The following PCDHGB7 variants were observed in gnomAD, a reference collection of about 807,000 sequenced individuals.
PCDHGB7 encodes the protein protocadherin gamma-B7.
Under a neutral mutation model 61.4 loss-of-function variants are expected in PCDHGB7, and 37 were observed. That is an observed-to-expected ratio of 0.60 (90% CI 0.46 to 0.79). The LOEUF (loss-of-function observed/expected upper bound fraction) is 0.79, where lower values mean the gene tolerates loss of function less well. PCDHGB7 is among the 30% of genes least tolerant of loss of function. The pLI, the probability that PCDHGB7 is intolerant of heterozygous loss-of-function variation, is 0.00. For synonymous variants in PCDHGB7, 464 were observed against 503.5 expected, an observed-to-expected ratio of 0.92 and a Z score of 1.05; for missense variants, 1,166 against 1,202.5, an observed-to-expected ratio of 0.97 and a Z score of 0.45.
At position 141,431,321 on chromosome 5, in the gene PCDHGB7, G is replaced by T. The variant is rs112186927; in HGVS notation, c.2415+11047G>T. 1,258 of 1,614,054 alleles carry T rather than the reference G, an allele frequency of 7.8e-4. 11 individuals are homozygous for T. In the African/African-American group the frequency reaches 0.014, roughly 18 times the overall value. Reference sequence around the variant, plus strand: ...CCTCATCGTGCAAAATGGAGCCGACGGTAGTAAGTACCCCGAATTGGTGCT... The same window carrying T: ...CCTCATCGTGCAAAATGGAGCCGACTGTAGTAAGTACCCCGAATTGGTGCT... On this transcript the variant is annotated intron_variant, in intron 1 of 3. Transcript: ENST00000398594. This position sits in a 1 kb window ranked among gnomAD's most constrained non-coding sequence, Gnocchi z 4.8.
At chr5:141,473,229 T>G (rs891825934) in intron 1 of PCDHGB7, among the ~76,000 whole-genome samples, 8 of 152,160 alleles carry the variant, frequency 5.3e-5, no homozygotes, top group Admixed American at 1.3e-4. Context: ...GGAGATTGGA[T>G]CCACACAAGT....
In PCDHGB7 at chr5:141,489,835, C is replaced by G; in HGVS notation, c.2416-4972C>G. On this transcript the variant is annotated intron_variant, in intron 1 of 3. Transcript: ENST00000398594. This position sits in a 1 kb window ranked among gnomAD's most constrained non-coding sequence, Gnocchi z 4.5. Reference sequence around the variant, plus strand: ...ATTCCCAGAGCTGGTGCTAGAGCAGCAGCTGGATCGTGAAGCCCAGGCAAG... The same window carrying G: ...ATTCCCAGAGCTGGTGCTAGAGCAGGAGCTGGATCGTGAAGCCCAGGCAAG... The G allele has an allele frequency of 6.2e-7, 1 of 1,614,164 alleles. No homozygotes were observed. Among genetic ancestry groups the G allele is most frequent in the Non-Finnish European group, 8.5e-7 (1 of 1,179,972 alleles).
intron 1 of PCDHGB7, among the ~76,000 whole-genome samples, chr5:141,483,124 G>A (rs1468216170): frequency 6.6e-6 from 1 of 152,154 alleles, no homozygotes; most frequent in East Asian, 1.9e-4. Flanking sequence ...GTCTTTGTAG[G>A]AGATGAGGTG....
In PCDHGB7 at chr5:141,486,070, T is replaced by G; in HGVS notation, c.2416-8737T>G. The G allele has an allele frequency of 6.2e-7, 1 of 1,614,158 alleles. No individual in the cohort carries two copies. Among genetic ancestry groups the G allele is most frequent in the Non-Finnish European group, 8.5e-7 (1 of 1,180,010 alleles). On this transcript the variant is annotated intron_variant, in intron 1 of 3. Coordinates refer to ENST00000398594, the MANE Select transcript of PCDHGB7 (RefSeq NM_018927.4). This position sits in a 1 kb window ranked among gnomAD's most constrained non-coding sequence, Gnocchi z 5.0. ...ACCTCTTTAGCCTGCACCCCACTAC[T>G]GGAAAGCTTACTCTTTTGGGGCCCC...
At chr5:141,445,632 T>C (rs940642775) in intron 1 of PCDHGB7, among the ~76,000 whole-genome samples, 19 of 152,116 alleles carry the variant, frequency 1.2e-4, no homozygotes, top group Admixed American at 1.1e-3. Flanking sequence ...GAAAGTGATA[T>C]TTAGAGAGAT....
At position 141,484,465 on chromosome 5, in the gene PCDHGB7, A is replaced by G. The variant is rs2099596840; in HGVS notation, c.2416-10342A>G. On this transcript the variant is annotated intron_variant, in intron 1 of 3. Coordinates refer to ENST00000398594, the MANE Select transcript of PCDHGB7 (RefSeq NM_018927.4). ...ATTTAATTGGCTACGTTAATGTGTA[A>G]GCCTTTTCTGCAAAGAGATGGATCC... is the stretch of plus-strand genomic sequence containing the variant. Among the ~76,000 whole-genome samples, 4 of 152,236 alleles carry G rather than the reference A, an allele frequency of 2.6e-5. No individual in the cohort carries two copies. In the South Asian group the frequency reaches 6.2e-4, roughly 24 times the overall value.
chr5:141,510,251 C>T (rs569804850), intron 3 of PCDHGB7, among the ~76,000 whole-genome samples: 5 of 144,790 alleles, frequency 3.5e-5, no homozygotes, highest in South Asian at 4.3e-4. Flanking sequence ...CCAGGCTGGG[C>T]GACAGAGCAG....
chr5:141,507,861 C>G (rs538942097), intron 3 of PCDHGB7, among the ~76,000 whole-genome samples: 6 of 152,306 alleles, frequency 3.9e-5, no homozygotes, highest in South Asian at 4.1e-4. Flanking sequence ...CTTTCACACC[C>G]GCTTCCTAGC....
At chr5:141,424,784 C>T (rs1351935601) in intron 1 of PCDHGB7, 2 of 152,062 alleles carry the variant, frequency 1.3e-5, no homozygotes, top group Non-Finnish European at 2.9e-5. Context: ...ACATTCAGTT[C>T]TTTTATTCAG....
rs747723647 is a variant in PCDHGB7 at position 141,420,111 on chromosome 5, C to T, written c.2252C>T (p.Ala751Val). 6.2e-7 allele frequency: 1 copy of T among 1,613,966 alleles called. No individual in the cohort carries two copies. Among genetic ancestry groups the T allele is most frequent in the African/African-American group, 1.3e-5 (1 of 75,062 alleles). The change falls in exon 1 of 4, where the codon GCC (alanine) becomes GTC (valine). Residue 751 changes from alanine to valine, a missense_variant. Ala to Val is a moderately conservative substitution (Grantham distance 64, BLOSUM62 0). Transcript: ENST00000398594. Reference sequence around the variant, plus strand: ...TACAGTGAGGGAACGTTGCCCTATGCCTATAATTTTTGTGTGCCTGGGGAT... The same window carrying T: ...TACAGTGAGGGAACGTTGCCCTATGTCTATAATTTTTGTGTGCCTGGGGAT... The part of the protein sequence containing the change: ...PNYSEGTLPY[A>V]YNFCVPGDQM...
Position 141,491,265 on chromosome 5 carries a change from CA to C in PCDHGB7, c.2416-3539del. ...AGGATGAGGACCCTGAGGAAATGCC[CA>C]AATCCAGTGACTTCCTCATACACCC... On this transcript the variant is annotated intron_variant, in intron 1 of 3. Coordinates refer to ENST00000398594, the MANE Select transcript of PCDHGB7 (RefSeq NM_018927.4). This position sits in a 1 kb window ranked among gnomAD's most constrained non-coding sequence, Gnocchi z 6.9. 1 of 1,614,074 alleles carries C rather than the reference CA, an allele frequency of 6.2e-7. No individual in the cohort carries two copies.
chr5:141,492,220 C>T (rs1388948434), intron 1 of PCDHGB7, among the ~76,000 whole-genome samples: 2 of 152,190 alleles, frequency 1.3e-5, no homozygotes, highest in Non-Finnish European at 1.5e-5. Context: ...GGGGCTCATG[C>T]GTGTCCTCCC....
chr5:141,421,831 G>C lies in PCDHGB7; in HGVS notation c.2415+1557G>C, dbSNP rs201283981. ...AGAGCTAGTACTGGAGGGAAGCCTG[G>C]ACCGAGAGAAAGAGGCTGCTCACCT... On this transcript the variant is annotated intron_variant, in intron 1 of 3. Transcript: ENST00000398594. 68 of 1,613,784 alleles carry C rather than the reference G, an allele frequency of 4.2e-5. 1 individual carries two copies. The East Asian group carries it at 1.4e-3, about 33-fold the overall frequency.
At position 141,491,381 on chromosome 5, in the gene PCDHGB7, C is replaced by CT. The variant is rs1554177905; in HGVS notation, c.2416-3426_2416-3425insT. The CT allele has an allele frequency of 2.8e-5, 45 of 1,614,068 alleles. No individual in the cohort carries two copies. Among genetic ancestry groups the CT allele is most frequent in the Non-Finnish European group, 3.5e-5 (41 of 1,179,950 alleles). On this transcript the variant is annotated intron_variant, in intron 1 of 3. Coordinates refer to ENST00000398594, the MANE Select transcript of PCDHGB7 (RefSeq NM_018927.4). This position sits in a 1 kb window ranked among gnomAD's most constrained non-coding sequence, Gnocchi z 6.9. ...CTAGTCACCTTCACCTTTCTGTCAG[C>CT]GAAGTGCCTTCAGGGAAACGCAGAC...
In PCDHGB7 at chr5:141,419,876, C is replaced by T. The variant is rs1219393740; in HGVS notation, c.2017C>T (p.Pro673Ser). The part of the protein sequence containing the change: ...VFADSLQEVL[P>S]DFSDHPTPSD... ...CGCAGATAGCTTGCAAGAGGTACTG[C>T]CGGATTTCAGCGACCATCCCACACC... Residue 673 changes from proline to serine, a missense_variant, in exon 1 of 4, where the codon CCG (proline) becomes TCG (serine). Physicochemically the swap from Pro to Ser is moderately conservative, Grantham distance 74 (BLOSUM62 -1). Coordinates refer to ENST00000398594, the MANE Select transcript of PCDHGB7 (RefSeq NM_018927.4). 1.4e-5 allele frequency: 23 copies of T among 1,614,084 alleles called. No homozygotes were observed. The highest frequency in any genetic ancestry group is 1.9e-5 in the Non-Finnish European group (23 of 1,179,892).
At chr5:141,503,607 A>G (rs141670522) in intron 2 of PCDHGB7, among the ~76,000 whole-genome samples, 63 of 151,996 alleles carry the variant, frequency 4.1e-4, no homozygotes, top group African/African-American at 1.4e-3. Flanking sequence ...TCAAAAAAAA[A>G]AAAAAAAGAA....
Position 141,417,858 on chromosome 5 carries a change from C to T in PCDHGB7, c.-2C>T, listed in dbSNP as rs561149517. The T allele has an allele frequency of 6.5e-7, 1 of 1,547,240 alleles. No individual in the cohort carries two copies. ...GGGACCCAGCGAGAACCCGAGCGAA[C>T]GATGGGAGGGAGCTGCGCGCAGAGG... is the stretch of plus-strand genomic sequence containing the variant. On this transcript the variant is annotated 5_prime_UTR_variant, in exon 1 of 4. The change creates a new upstream start codon in the 5' untranslated region. Coordinates refer to ENST00000398594, the MANE Select transcript of PCDHGB7 (RefSeq NM_018927.4).
At chr5:141,422,926 GC>G in intron 1 of PCDHGB7, 1 of 1,614,230 alleles carries the variant, frequency 6.2e-7, no homozygotes, top group Non-Finnish European at 8.5e-7. Flanking sequence ...CCTGTACCCT[GC>G]CCTCCCCACA....
Position 141,486,734 on chromosome 5 carries a change from C to A in PCDHGB7, c.2416-8073C>A. ...CCAGACAGGAGCTGTTCATGCTACT[C>A]GATCCTTTGACTATGAGCAAACCCA... On this transcript the variant is annotated intron_variant, in intron 1 of 3. Transcript: ENST00000398594. The surrounding 1 kb of genome is among the most constrained non-coding windows in gnomAD (Gnocchi z 5.0). The A allele has an allele frequency of 1.2e-6, 2 of 1,614,188 alleles. No homozygotes were observed. Among genetic ancestry groups the A allele is most frequent in the Non-Finnish European group, 1.7e-6 (2 of 1,180,040 alleles).
Sources: allele counts gnomAD v4.1 joint callset (sites outside exome capture counted in the v4.1 genomes callset), GRCh38; gene constraint gnomAD v4.1.1; non-coding constraint Gnocchi (gnomAD v3.1); transcripts MANE v1.5; gene names NCBI Gene and HGNC (gene_info 2026-07-23, HGNC 2026-07-21).